Variants in ARHGAP10 observed in about 807,000 individuals in gnomAD.
ARHGAP10 encodes the protein rho GTPase-activating protein 10.
A neutral mutation model predicts 108.6 loss-of-function variants in ARHGAP10; 87 were observed. The observed-to-expected ratio is 0.80, with a 90% confidence interval of 0.67 to 0.96. ARHGAP10 has a LOEUF of 0.96. Ranked by LOEUF, ARHGAP10 falls within the 40% of genes least tolerant of loss-of-function variation. The probability of loss-of-function intolerance (pLI) is 0.00; values close to 1 mark genes in which losing one functional copy is unlikely to be tolerated. For missense variants in ARHGAP10, 939 were observed against 954.5 expected (o/e 0.98, Z 0.21); for synonymous variants, 347 against 341.1 (o/e 1.02, Z -0.19).
chr4:147,946,642 C>A lies in ARHGAP10; in HGVS notation c.1329C>A (p.Asp443Glu). 1 of 1,612,220 alleles carries A rather than the reference C, an allele frequency of 6.2e-7. No individual in the cohort carries two copies. Among genetic ancestry groups the A allele is most frequent in the Non-Finnish European group, 8.5e-7 (1 of 1,179,310 alleles). ...ATGTAAAAACATGCAATGAGGTGGA[C>A]CTGGAGAATTCTGCAGATTGGGAAG... ...LMDVKTCNEV[D>E]LENSADWEVK... Residue 443 changes from aspartate to glutamate, a missense_variant, in exon 15 of 23, where the codon GAC becomes GAA. Asp to Glu is a conservative substitution (Grantham distance 45, BLOSUM62 2). Coordinates refer to ENST00000336498, the MANE Select transcript of ARHGAP10 (RefSeq NM_024605.4).
intron 3 of ARHGAP10, among the ~76,000 whole-genome samples, chr4:147,841,438 T>C (rs533388649): frequency 6.6e-6 from 1 of 152,368 alleles, no homozygotes; most frequent in South Asian, 2.1e-4. Context: ...TCCATCTCCT[T>C]GACATTGGGA....
At chr4:147,738,280 G>A (rs1195221843) in intron 1 of ARHGAP10, among the ~76,000 whole-genome samples, 7 of 152,178 alleles carry the variant, frequency 4.6e-5, no homozygotes, top group Admixed American at 1.3e-4. Flanking sequence ...GGCTGGGCGC[G>A]GTGGCTCACG....
At chr4:147,776,152 T>C (rs1194735944) in intron 1 of ARHGAP10, among the ~76,000 whole-genome samples, 1 of 152,228 alleles carries the variant, frequency 6.6e-6, no homozygotes, top group African/African-American at 2.4e-5. Context: ...ATTTATCTTG[T>C]GTAGACCTGC....
At chr4:147,811,010 T>C (rs1731995416) in intron 1 of ARHGAP10, among the ~76,000 whole-genome samples, 1 of 152,266 alleles carries the variant, frequency 6.6e-6, no homozygotes, top group Non-Finnish European at 1.5e-5. Context: ...CATACTTGAC[T>C]TTCTCAAGTC....
chr4:147,756,689 TA>T (rs1196705618), intron 1 of ARHGAP10, among the ~76,000 whole-genome samples: 1 of 152,190 alleles, frequency 6.6e-6, no homozygotes, highest in Non-Finnish European at 1.5e-5. Context: ...ATAGTGTATA[TA>T]AGGTTTACAG....
chr4:148,045,947 T>A (rs1395426718), intron 19 of ARHGAP10, among the ~76,000 whole-genome samples: 1 of 152,116 alleles, frequency 6.6e-6, no homozygotes, highest in African/African-American at 2.4e-5. Context: ...TTTAGGACCA[T>A]CACCTATAAA....
chr4:147,882,023 TG>T lies in ARHGAP10; in HGVS notation c.1034+93del, dbSNP rs1735349683. 6.8e-6 allele frequency: 8 copies of T among 1,173,700 alleles called. No homozygotes were observed. The South Asian group carries it at 1.1e-4, about 16-fold the overall frequency. The allele number at this position is 1,173,700 out of a possible 1,614,324, so 72.7% of individuals were successfully genotyped here. Reference sequence around the variant, plus strand: ...AGGTTAGTTGCAACTGTGATTTCTGTGGCCTGGGAGAATGTTATCTTGCTAT... The same window carrying T: ...AGGTTAGTTGCAACTGTGATTTCTGTGCCTGGGAGAATGTTATCTTGCTAT... On this transcript the variant is annotated intron_variant, in intron 10 of 22. Transcript: ENST00000336498.
chr4:147,950,769 A>C (rs751125043), intron 15 of ARHGAP10, among the ~76,000 whole-genome samples: 1 of 152,026 alleles, frequency 6.6e-6, no homozygotes, highest in Non-Finnish European at 1.5e-5. Context: ...TTTCTTATCT[A>C]TGCAGACCAT....
At chr4:147,934,983 G>C (rs1324107591) in intron 13 of ARHGAP10, among the ~76,000 whole-genome samples, 1 of 152,216 alleles carries the variant, frequency 6.6e-6, no homozygotes, top group East Asian at 1.9e-4. Flanking sequence ...TTTACTCACT[G>C]TCGAATCTTG....
intron 6 of ARHGAP10, chr4:147,866,329 G>A (rs1053892364): frequency 6.2e-6 from 1 of 160,098 alleles, no homozygotes. Context: ...GCTGGGGAGA[G>A]CCTGGAGCTC....
chr4:148,034,767 T>G (rs1001493374), intron 19 of ARHGAP10, among the ~76,000 whole-genome samples: 4 of 152,128 alleles, frequency 2.6e-5, no homozygotes, highest in Non-Finnish European at 5.9e-5. Context: ...TGCTCTAAAT[T>G]TCCTGAGCTG....
At chr4:148,028,419 C>A (rs1001845888) in intron 19 of ARHGAP10, among the ~76,000 whole-genome samples, 1 of 152,092 alleles carries the variant, frequency 6.6e-6, no homozygotes, top group African/African-American at 2.4e-5. Flanking sequence ...AAATTGCTTA[C>A]CCTCTCTAAA....
chr4:147,976,403 AGTATTGACTGTT>A (rs961300294), intron 18 of ARHGAP10, among the ~76,000 whole-genome samples: 1 of 152,226 alleles, frequency 6.6e-6, no homozygotes, highest in African/African-American at 2.4e-5. Context: ...TGTCTGCCTG[AGTATTGACTGTT>A]CAGTGTAGAA....
intron 18 of ARHGAP10, among the ~76,000 whole-genome samples, chr4:147,986,909 G>A (rs1740064840): frequency 6.6e-6 from 1 of 152,180 alleles, no homozygotes; most frequent in South Asian, 2.1e-4. Context: ...GGATTCTTAA[G>A]CCCTAGACTC....
chr4:147,968,036 C>G (rs907827987), intron 18 of ARHGAP10, among the ~76,000 whole-genome samples: 2 of 152,210 alleles, frequency 1.3e-5, no homozygotes, highest in Admixed American at 6.5e-5. Context: ...AGAGTTAAAA[C>G]AAGACCTGAG....
intron 20 of ARHGAP10, among the ~76,000 whole-genome samples, chr4:148,056,483 G>A (rs1473824427): frequency 6.6e-6 from 1 of 152,118 alleles, no homozygotes; most frequent in African/African-American, 2.4e-5. Flanking sequence ...AATAGTTTAA[G>A]GTATGCAGAA....
chr4:147,889,519 T>C (rs74358332), intron 10 of ARHGAP10, among the ~76,000 whole-genome samples: 8 of 152,128 alleles, frequency 5.3e-5, no homozygotes, highest in Admixed American at 5.2e-4. Flanking sequence ...AGGCTGGTCT[T>C]GAACTCCTGA....
chr4:147,822,050 G>T (rs1457606429), intron 1 of ARHGAP10, among the ~76,000 whole-genome samples: 1 of 152,140 alleles, frequency 6.6e-6, no homozygotes, highest in African/African-American at 2.4e-5. Context: ...CACCTAGCAC[G>T]GTGCAAGGCC....
chr4:148,049,470 G>T (rs1051817350), intron 20 of ARHGAP10, among the ~76,000 whole-genome samples: 26 of 152,120 alleles, frequency 1.7e-4, no homozygotes, highest in African/African-American at 5.8e-4. Flanking sequence ...CCCAGTAGCC[G>T]GTGTGTGCTT....
Sources: gnomAD v4.1 joint callset for allele counts (sites outside exome capture counted in the v4.1 genomes callset) on GRCh38, gnomAD v4.1.1 for gene constraint, MANE v1.5 for transcripts, NCBI Gene and HGNC (gene_info 2026-07-23, HGNC 2026-07-21) for gene names.